The following ELP6 variants were observed in gnomAD, a reference collection of about 807,000 sequenced individuals.
ELP6 encodes elongator complex protein 6.
ELP6 carries 23 observed loss-of-function variants against 28.1 expected under a neutral mutation model. That is an observed-to-expected ratio of 0.82 (90% CI 0.59 to 1.16). ELP6 has a LOEUF of 1.16. Ranked by LOEUF, ELP6 falls within the 50% of genes most tolerant of loss-of-function variation. The pLI is 0.00. For missense variants in ELP6, 313 were observed against 334.6 expected (o/e 0.94, Z 0.50); for synonymous variants, 132 against 135.8 (o/e 0.97, Z 0.19).
At chr3:47,502,875 C>T (rs1005795579) in intron 4 of ELP6, among the ~76,000 whole-genome samples, 1 of 152,104 alleles carries the variant, frequency 6.6e-6, no homozygotes, top group Non-Finnish European at 1.5e-5. Flanking sequence ...TAAACAGCAA[C>T]TCAGTTGCCC....
chr3:47,501,189 A>G (rs1010817888), intron 5 of ELP6, among the ~76,000 whole-genome samples: 1 of 152,240 alleles, frequency 6.6e-6, no homozygotes, highest in African/African-American at 2.4e-5. Context: ...AAAAGAAAAC[A>G]AAAACAAAAA....
At chr3:47,511,247 A>T in intron 1 of ELP6, 21 bp from the exon 2 acceptor site, 1 of 1,613,018 alleles carries the variant, frequency 6.2e-7, no homozygotes, top group African/African-American at 1.3e-5. Context: ...CAAGGAACAC[A>T]AAAAGGTTAG....
intron 4 of ELP6, chr3:47,503,139 T>C (rs1708717445): frequency 8.8e-7 from 1 of 1,141,456 alleles, no homozygotes; most frequent in African/African-American, 1.6e-5. Context: ...GGATGAGGTA[T>C]AACCAGCCCC....
chr3:47,499,618 A>C (rs1576338476), intron 5 of ELP6: 1 of 321,712 alleles, frequency 3.1e-6, no homozygotes, highest in South Asian at 1.3e-4. Context: ...TGGGAGGTGG[A>C]GGTTGCAGTG....
intron 4 of ELP6, chr3:47,503,168 C>A (rs1708718138): frequency 1.7e-6 from 2 of 1,149,714 alleles, no homozygotes; most frequent in South Asian, 3.7e-5. Context: ...AATGAGGAAA[C>A]CCCAAGTCAG....
rs542810431 is a variant in ELP6, at chr3:47,513,621, A to G, written c.-31T>C. On this transcript the variant is annotated 5_prime_UTR_variant, in exon 1 of 7. Coordinates refer to ENST00000296149, the MANE Select transcript of ELP6 (RefSeq NM_001031703.3). ...GCTCCTGGGACTAGCGCTCTGGAGG[A>G]GAACCCGGAGTGCTGCAGAGACGAC... 1.2e-6 allele frequency: 2 copies of G among 1,612,684 alleles called. No homozygotes were observed. Among genetic ancestry groups the G allele is most frequent in the East Asian group, 2.2e-5 (1 of 44,728 alleles).
intron 4 of ELP6, 36 bp downstream of exon 4, chr3:47,504,294 C>G: frequency 6.4e-7 from 1 of 1,550,538 alleles, no homozygotes; most frequent in Non-Finnish European, 8.7e-7. Context: ...CCACCTGCCA[C>G]GTGTTGCTTC....
rs1708976914 is a variant in ELP6, at chr3:47,510,267, A to C, written c.134-13T>G. On this transcript the variant is annotated splice_polypyrimidine_tract_variant and intron_variant, in intron 2 of 6. Transcript: ENST00000296149. ...ACTTTACAATTAGCTAGAAAACAAA[A>C]CAATTATTTTAAATAAATCCTCTGG... 8.7e-6 allele frequency: 14 copies of C among 1,609,786 alleles called. No homozygotes were observed. Among genetic ancestry groups the C allele is most frequent in the Non-Finnish European group, 1.1e-5 (13 of 1,176,348 alleles).
intron 3 of ELP6, among the ~76,000 whole-genome samples, chr3:47,509,063 CT>C (rs1231983405): frequency 1.3e-5 from 2 of 151,794 alleles, no homozygotes; most frequent in East Asian, 1.9e-4. Flanking sequence ...CGTGCCCAGC[CT>C]TTTTTTTCCT....
At chr3:47,500,748 G>A (rs904117072) in intron 5 of ELP6, among the ~76,000 whole-genome samples, 10 of 152,100 alleles carry the variant, frequency 6.6e-5, no homozygotes, top group South Asian at 2.1e-4. Flanking sequence ...TAGCCAGGAC[G>A]GCCTCAGAAG....
At chr3:47,501,132 A>G (rs1708637405) in intron 5 of ELP6, among the ~76,000 whole-genome samples, 2 of 152,204 alleles carry the variant, frequency 1.3e-5, no homozygotes, top group Admixed American at 1.3e-4. Flanking sequence ...AACCAGTTAC[A>G]GATTTCTTTG....
chr3:47,512,637 C>T (rs1318631088), intron 1 of ELP6: 1 of 985,306 alleles, frequency 1.0e-6, no homozygotes, highest in Non-Finnish European at 1.2e-6. Flanking sequence ...TCAAGGTACC[C>T]CGGAGTGTGA....
At chr3:47,504,933 C>A (rs1708781958) in intron 3 of ELP6, among the ~76,000 whole-genome samples, 2 of 152,040 alleles carry the variant, frequency 1.3e-5, no homozygotes. Context: ...GCACTCCAGC[C>A]TGAGCAACAG....
chr3:47,502,630 T>C, intron 4 of ELP6: 1 of 866,016 alleles, frequency 1.2e-6, no homozygotes, highest in Non-Finnish European at 1.4e-6. Flanking sequence ...AGCCCAGGAG[T>C]TCAAGAACAG....
chr3:47,505,040 G>A lies in ELP6; in HGVS notation c.205-592C>T, dbSNP rs532937477. 3.9e-5 allele frequency among the ~76,000 whole-genome samples: 6 copies of A among 152,240 alleles called. No individual in the cohort carries two copies. The South Asian group carries it at 1.2e-3, about 32-fold the overall frequency. On this transcript the variant is annotated intron_variant, in intron 3 of 6. Coordinates refer to ENST00000296149, the MANE Select transcript of ELP6 (RefSeq NM_001031703.3). Reference sequence around the variant, plus strand: ...CCAGCACTTTGGGAGGCCAAAGTGGGCAGATCACCTGAGGTCAGGAGTTCA... The same window carrying A: ...CCAGCACTTTGGGAGGCCAAAGTGGACAGATCACCTGAGGTCAGGAGTTCA...
intron 6 of ELP6, chr3:47,496,642 G>A (rs957757110): frequency 8.4e-6 from 5 of 592,222 alleles, no homozygotes; most frequent in Non-Finnish European, 8.5e-6. Flanking sequence ...TTATGGGTGC[G>A]CATCACCATG....
chr3:47,501,740 G>T lies in ELP6; in HGVS notation c.435C>A (p.Asp145Glu), dbSNP rs1708659974. 1 of 1,613,966 alleles carries T rather than the reference G, an allele frequency of 6.2e-7. No homozygotes were observed. Among genetic ancestry groups the T allele is most frequent in the Non-Finnish European group, 8.5e-7 (1 of 1,179,988 alleles). ...TGCCCAGGCTCAGGAGCACACTGAG[G>T]TCGTCCACCAACAGCACCGGGTACG... ...RWTYPVLLVD[D>E]LSVLLSLGMG... The change falls in exon 5 of 7, where the codon GAC becomes GAA. Residue 145 changes from aspartate to glutamate, a missense_variant. By Grantham distance (45) the Asp-to-Glu change is conservative (BLOSUM62 2). Transcript: ENST00000296149.
intron 3 of ELP6, among the ~76,000 whole-genome samples, chr3:47,505,922 G>T (rs1708821802): frequency 1.3e-5 from 2 of 152,128 alleles, no homozygotes; most frequent in African/African-American, 4.8e-5. Flanking sequence ...TGACCAGGCT[G>T]GTCTCGAACT....
At chr3:47,503,088 G>A (rs1339141236) in intron 4 of ELP6, 1 of 1,054,270 alleles carries the variant, frequency 9.5e-7, no homozygotes, top group Admixed American at 5.0e-5. Flanking sequence ...CCTGGCATTG[G>A]GTTATCTTCA....
Sources: allele counts gnomAD v4.1 joint callset (sites outside exome capture counted in the v4.1 genomes callset), GRCh38; gene constraint gnomAD v4.1.1; transcripts MANE v1.5; gene names NCBI Gene and HGNC (gene_info 2026-07-23, HGNC 2026-07-21).